Variants in RELN observed in about 807,000 individuals in gnomAD.
The protein encoded by RELN is reelin.
Under a neutral mutation model 427.6 loss-of-function variants are expected in RELN, and 108 were observed. That is an observed-to-expected ratio of 0.25 (90% CI 0.22 to 0.30). The LOEUF is 0.30. Ranked by LOEUF, RELN falls within the 10% of genes least tolerant of loss-of-function variation. The pLI is 1.00. For synonymous variants in RELN, 1,524 were observed against 1,513.4 expected (o/e 1.01, Z -0.16); for missense variants, 3,715 against 4,302.8 (o/e 0.86, Z 3.82).
rs186176669 is a variant in RELN, at chr7:103,858,610, A to T, written c.338-24938T>A. Among the ~76,000 whole-genome samples, 547 of 152,266 alleles carry T rather than the reference A, an allele frequency of 3.6e-3. 4 individuals are homozygous for T. Among genetic ancestry groups the T allele is most frequent in the Middle Eastern group, 0.017 (5 of 294 alleles). On this transcript the variant is annotated intron_variant, in intron 2 of 64. Coordinates refer to ENST00000428762, the MANE Select transcript of RELN (RefSeq NM_005045.4). ...CTAAACATCATTAAAACAATATGGC[A>T]TATAATACTTAGCTTATTTACATGA...
chr7:103,904,975 C>CTTTTTTTTTT lies in RELN; in HGVS notation c.337+12090_337+12099dup, dbSNP rs67024941. 7.6e-4 allele frequency among the ~76,000 whole-genome samples: 59 copies of CTTTTTTTTTT among 77,362 alleles called. 2 individuals carry two copies. Among genetic ancestry groups the CTTTTTTTTTT allele is most frequent in the South Asian group, 3.6e-3 (6 of 1,658 alleles). The allele number at this position is 77,362 out of a possible 152,430, so 50.8% of individuals were successfully genotyped here. On this transcript the variant is annotated intron_variant, in intron 2 of 64. Coordinates refer to ENST00000428762, the MANE Select transcript of RELN (RefSeq NM_005045.4). ...ACTGCCAATCCCTTGAAGTTCTTTC[C>CTTTTTTTTTT]TTTTTTTTTTTTTTTTTTTTTTTTT... is the stretch of plus-strand genomic sequence containing the variant.
rs932244894 is a variant in RELN at position 103,988,870 on chromosome 7, A to C, written c.226+261T>G. Among the ~76,000 whole-genome samples, 1 of 152,212 alleles carries C rather than the reference A, an allele frequency of 6.6e-6. No individual in the cohort carries two copies. The highest frequency in any genetic ancestry group is 1.5e-5 in the Non-Finnish European group (1 of 68,022). ...GTGAGGGGGAAAGACACCGGCCTCCAAGAATTCTCAGGCGTTTAGCACAAG... is the reference window on the plus strand; with the variant it reads ...GTGAGGGGGAAAGACACCGGCCTCCCAGAATTCTCAGGCGTTTAGCACAAG... On this transcript the variant is annotated intron_variant, in intron 1 of 64. Transcript: ENST00000428762. The surrounding 1 kb of genome is among the most constrained non-coding windows in gnomAD (Gnocchi z 4.9).
intron 1 of RELN, among the ~76,000 whole-genome samples, chr7:103,938,264 G>A (rs544686972): frequency 2.0e-5 from 3 of 151,918 alleles, no homozygotes; most frequent in African/African-American, 7.2e-5. Flanking sequence ...AGGTTGCAGT[G>A]AGCCGAGATT....
At chr7:103,973,924 C>A (rs1441787829) in intron 1 of RELN, among the ~76,000 whole-genome samples, 4 of 152,210 alleles carry the variant, frequency 2.6e-5, no homozygotes, top group Non-Finnish European at 5.9e-5. Flanking sequence ...GGGTGGATCA[C>A]CTGAGATTAG....
At chr7:103,677,452 TA>T (rs1213821493) in intron 11 of RELN, among the ~76,000 whole-genome samples, 2 of 124,892 alleles carry the variant, frequency 1.6e-5, no homozygotes, top group Non-Finnish European at 3.4e-5. Context: ...ATAATAATAA[TA>T]AAAAGAACAA....
chr7:103,527,764 T>C (rs1287901270), intron 46 of RELN, among the ~76,000 whole-genome samples: 7 of 152,218 alleles, frequency 4.6e-5, no homozygotes, highest in Admixed American at 2.6e-4. Context: ...CCTATCTTCT[T>C]TGACAAAGTT....
At chr7:103,671,000 A>T (rs1453401951) in intron 11 of RELN, among the ~76,000 whole-genome samples, 1 of 152,118 alleles carries the variant, frequency 6.6e-6, no homozygotes, top group Non-Finnish European at 1.5e-5. Context: ...AAGGTTTTTA[A>T]AAAATCTCAT....
intron 6 of RELN, among the ~76,000 whole-genome samples, chr7:103,744,507 T>C (rs933128461): frequency 1.3e-4 from 20 of 152,050 alleles, no homozygotes; most frequent in African/African-American, 4.8e-4. Flanking sequence ...ACAAAACTGA[T>C]AGACCACTAG....
intron 2 of RELN, among the ~76,000 whole-genome samples, chr7:103,904,975 C>CTTTTTTTTTTT (rs67024941): frequency 2.6e-4 from 20 of 77,362 alleles, no homozygotes; most frequent in South Asian, 1.8e-3. Flanking sequence ...AAGTTCTTTC[C>CTTTTTTTTTTT]TTTTTTTTTT....
intron 64 of RELN, among the ~76,000 whole-genome samples, chr7:103,475,628 A>G (rs1828008509): frequency 6.6e-6 from 1 of 152,240 alleles, no homozygotes; most frequent in Non-Finnish European, 1.5e-5. Flanking sequence ...CTAGATTGAC[A>G]TGAAAGTTAC....
At chr7:103,946,198 G>A (rs898764908) in intron 1 of RELN, among the ~76,000 whole-genome samples, 2 of 152,128 alleles carry the variant, frequency 1.3e-5, no homozygotes, top group African/African-American at 4.8e-5. Context: ...CCTAAAAATT[G>A]AAATCAATGT....
chr7:103,541,465 A>G (rs990346849), intron 43 of RELN, among the ~76,000 whole-genome samples: 2 of 152,172 alleles, frequency 1.3e-5, no homozygotes, highest in African/African-American at 4.8e-5. Flanking sequence ...CCATTCATTT[A>G]TCTCATGACC....
At chr7:103,924,325 C>G (rs1251068922) in intron 1 of RELN, among the ~76,000 whole-genome samples, 1 of 151,984 alleles carries the variant, frequency 6.6e-6, no homozygotes, top group African/African-American at 2.4e-5. Flanking sequence ...CTGTGCTGTT[C>G]TTTGAGGGGG....
At chr7:103,911,051 T>TCA (rs1259072040) in intron 2 of RELN, among the ~76,000 whole-genome samples, 1 of 141,610 alleles carries the variant, frequency 7.1e-6, no homozygotes, top group Non-Finnish European at 1.5e-5. Flanking sequence ...GAAACTACCA[T>TCA]CAGAGTGAAC....
At chr7:103,609,048 C>A (rs1831883997) in intron 22 of RELN, among the ~76,000 whole-genome samples, 1 of 151,976 alleles carries the variant, frequency 6.6e-6, no homozygotes, top group East Asian at 1.9e-4. Flanking sequence ...CATGACAAAA[C>A]CCCATCTCTA....
At chr7:103,588,749 A>G in intron 28 of RELN, among the ~76,000 whole-genome samples, 1 of 152,218 alleles carries the variant, frequency 6.6e-6, no homozygotes, top group South Asian at 2.1e-4. Flanking sequence ...AAATATAAGC[A>G]TAGTGAGTGT....
rs187037885 is a variant in RELN at position 103,603,638 on chromosome 7, C to T, written c.3147-148G>A. Reference sequence around the variant, plus strand: ...TCCCTACAGTGTTAATCTGGGTATGCGGTAGTAACAACCCTCAGTTTTTCA... The same window carrying T: ...TCCCTACAGTGTTAATCTGGGTATGTGGTAGTAACAACCCTCAGTTTTTCA... On this transcript the variant is annotated intron_variant, in intron 23 of 64. Coordinates refer to ENST00000428762, the MANE Select transcript of RELN (RefSeq NM_005045.4). The surrounding 1 kb of genome is among the most constrained non-coding windows in gnomAD (Gnocchi z 4.3). The T allele has an allele frequency of 2.6e-4, 183 of 704,502 alleles. 2 individuals carry two copies. Among genetic ancestry groups the T allele is most frequent in the Admixed American group, 6.7e-4 (33 of 49,156 alleles). 43.6% of individuals were successfully genotyped at this position (704,502 alleles called of 1,614,324 possible).
intron 1 of RELN, among the ~76,000 whole-genome samples, chr7:103,952,497 T>C (rs1796351865): frequency 6.6e-6 from 1 of 152,086 alleles, no homozygotes; most frequent in Non-Finnish European, 1.5e-5. Flanking sequence ...TGCATTTTTA[T>C]AAACCTTGCT....
intron 29 of RELN, among the ~76,000 whole-genome samples, chr7:103,575,101 C>A (rs1236508649): frequency 6.6e-6 from 1 of 152,162 alleles, no homozygotes; most frequent in Admixed American, 6.5e-5. Flanking sequence ...GAATGACTGC[C>A]AGGGTTTGAT....
Sources: allele counts gnomAD v4.1 joint callset (sites outside exome capture counted in the v4.1 genomes callset), GRCh38; gene constraint gnomAD v4.1.1; non-coding constraint Gnocchi (gnomAD v3.1); transcripts MANE v1.5; gene names NCBI Gene and HGNC (gene_info 2026-07-23, HGNC 2026-07-21).